Variants in SNX13 observed in about 807,000 individuals in gnomAD.
SNX13 encodes sorting nexin 13.
SNX13 carries 45 observed loss-of-function variants against 133.6 expected under a neutral mutation model. That is an observed-to-expected ratio of 0.34 (90% CI 0.27 to 0.43). The LOEUF (loss-of-function observed/expected upper bound fraction) is 0.43, where lower values mean the gene tolerates loss of function less well. SNX13 is among the 20% of genes least tolerant of loss of function. The pLI is 1.00. For synonymous variants in SNX13, 414 were observed against 373.9 expected, an observed-to-expected ratio of 1.11 and a Z score of -1.24; for missense variants, 1,032 against 1,145.1, an observed-to-expected ratio of 0.90 and a Z score of 1.43.
In SNX13 at chr7:17,798,728, A is replaced by T; in HGVS notation, c.2475T>A (p.Thr825=). Residue 825 remains threonine, a synonymous_variant, in exon 24 of 26, where the codon ACT becomes ACA. Transcript: ENST00000428135. ...CTGAGTCGGCTACTTGTTCAGGTGA[A>T]GTCATCCAGTCAACATGGTCAACTA... The part of the protein sequence containing the change: ...RKIVDHVDWM[T]SPEQVADSVK... 6.4e-7 allele frequency: 1 copy of T among 1,568,176 alleles called. No homozygotes were observed. Among genetic ancestry groups the T allele is most frequent in the Non-Finnish European group, 8.6e-7 (1 of 1,161,500 alleles).
intron 13 of SNX13, 136 bp from the exon 14 acceptor site, chr7:17,835,001 G>A (rs570871508): frequency 7.3e-6 from 4 of 549,240 alleles, no homozygotes; most frequent in Non-Finnish European, 1.3e-5. Flanking sequence ...ACGACACCTT[G>A]ATGTTTAAGA....
chr7:17,821,365 TTA>T (rs1347688260), intron 18 of SNX13, 142 bp downstream of exon 18: 4 of 713,806 alleles, frequency 5.6e-6, no homozygotes, highest in Non-Finnish European at 9.1e-6. Context: ...AATGCTCAGA[TTA>T]ATTCTAAGAT....
rs955084534 is a variant in SNX13 at position 17,939,087 on chromosome 7, G to C, written c.12+1197C>G. On this transcript the variant is annotated intron_variant, in intron 1 of 25. Coordinates refer to ENST00000428135, the MANE Select transcript of SNX13 (RefSeq NM_015132.5). ...TATCATATGCCAGGCTCTGTGCTTAGATTAAGTACAAACAGCAAAGTATAA... is the reference window on the plus strand; with the variant it reads ...TATCATATGCCAGGCTCTGTGCTTACATTAAGTACAAACAGCAAAGTATAA... Among the ~76,000 whole-genome samples, 5 of 152,086 alleles carry C rather than the reference G, an allele frequency of 3.3e-5. No homozygotes were observed. The South Asian group carries it at 6.3e-4, about 19-fold the overall frequency.
At chr7:17,800,438 T>C (rs2128285575) in intron 22 of SNX13, among the ~76,000 whole-genome samples, 1 of 151,856 alleles carries the variant, frequency 6.6e-6, no homozygotes, top group East Asian at 1.9e-4. Context: ...AAAGATGGCC[T>C]TTTCAGTAAA....
intron 1 of SNX13, among the ~76,000 whole-genome samples, chr7:17,912,329 T>G (rs1376647492): frequency 6.6e-6 from 1 of 151,542 alleles, no homozygotes; most frequent in African/African-American, 2.4e-5. Flanking sequence ...GACACTAAAC[T>G]GGGAAAAGGC....
intron 5 of SNX13, chr7:17,890,154 C>A (rs1181085756): frequency 5.0e-6 from 2 of 397,192 alleles, no homozygotes; most frequent in Admixed American, 4.5e-5. Context: ...AGGGCTTAAT[C>A]AAAATAACAT....
chr7:17,923,437 C>G (rs1318844306), intron 1 of SNX13, among the ~76,000 whole-genome samples: 1 of 152,144 alleles, frequency 6.6e-6, no homozygotes, highest in Non-Finnish European at 1.5e-5. Context: ...TGAGGGCAAA[C>G]AGACTGCTGC....
intron 1 of SNX13, among the ~76,000 whole-genome samples, chr7:17,920,455 C>T (rs1322663737): frequency 1.3e-5 from 2 of 152,152 alleles, no homozygotes; most frequent in African/African-American, 4.8e-5. Flanking sequence ...CCTACACATA[C>T]ACTGTACTTT....
intron 1 of SNX13, among the ~76,000 whole-genome samples, chr7:17,898,502 T>C (rs1053559247): frequency 6.6e-6 from 1 of 152,126 alleles, no homozygotes; most frequent in Non-Finnish European, 1.5e-5. Context: ...CAGCTCAAGG[T>C]AGTGGGGATA....
intron 22 of SNX13, among the ~76,000 whole-genome samples, chr7:17,799,477 AG>A (rs955861351): frequency 2.0e-4 from 31 of 151,918 alleles, no homozygotes; most frequent in African/African-American, 7.0e-4. Flanking sequence ...GAGTTTGATA[AG>A]GCAAATGCTA....
intron 17 of SNX13, among the ~76,000 whole-genome samples, chr7:17,823,520 A>T (rs551424086): frequency 1.2e-4 from 18 of 152,236 alleles, no homozygotes; most frequent in African/African-American, 4.1e-4. Context: ...CTTTCTTAAA[A>T]TTTTTTCTAA....
chr7:17,821,486 A>C, intron 18 of SNX13, 23 bp downstream of exon 18: 6 of 1,588,952 alleles, frequency 3.8e-6, no homozygotes, highest in South Asian at 1.1e-5. Flanking sequence ...CATAAAGTAC[A>C]CAAGTTTTTA....
intron 1 of SNX13, among the ~76,000 whole-genome samples, chr7:17,922,349 A>G (rs1212669893): frequency 6.6e-6 from 1 of 152,190 alleles, no homozygotes; most frequent in Non-Finnish European, 1.5e-5. Context: ...GCACTGCTAC[A>G]TGTAAACCCA....
At chr7:17,808,261 T>C (rs993354779) in intron 20 of SNX13, among the ~76,000 whole-genome samples, 2 of 152,048 alleles carry the variant, frequency 1.3e-5, no homozygotes, top group African/African-American at 4.8e-5. Context: ...AGATCATAAA[T>C]GACCTGATGG....
intron 20 of SNX13, among the ~76,000 whole-genome samples, chr7:17,813,272 G>T (rs756755188): frequency 9.9e-5 from 15 of 152,036 alleles, no homozygotes; most frequent in Non-Finnish European, 1.6e-4. Flanking sequence ...ATCTTTAAAG[G>T]AGAAAAGATA....
chr7:17,866,747 G>A (rs1283030912), intron 9 of SNX13, among the ~76,000 whole-genome samples: 1 of 152,106 alleles, frequency 6.6e-6, no homozygotes, highest in East Asian at 1.9e-4. Flanking sequence ...TGGCTAATGG[G>A]TATAAAACAC....
chr7:17,856,594 C>T (rs1791910654), intron 9 of SNX13, among the ~76,000 whole-genome samples: 1 of 151,768 alleles, frequency 6.6e-6, no homozygotes, highest in South Asian at 2.1e-4. Context: ...AAGTTTAAGA[C>T]CAGCTGGGCA....
intron 1 of SNX13, among the ~76,000 whole-genome samples, chr7:17,911,428 C>CA (rs1198761013): frequency 6.6e-6 from 1 of 152,022 alleles, no homozygotes; most frequent in Non-Finnish European, 1.5e-5. Flanking sequence ...CACTTGAGGT[C>CA]AGGAGTTCAA....
At chr7:17,815,062 T>G (rs1443558318) in intron 19 of SNX13, 118 bp from the exon 20 acceptor site, 4 of 1,141,000 alleles carry the variant, frequency 3.5e-6, no homozygotes, top group Non-Finnish European at 3.4e-6. Flanking sequence ...AAATATTGAT[T>G]TATATTTTTA....
Sources: allele counts gnomAD v4.1 joint callset (sites outside exome capture counted in the v4.1 genomes callset), GRCh38; gene constraint gnomAD v4.1.1; transcripts MANE v1.5; gene names NCBI Gene and HGNC (gene_info 2026-07-23, HGNC 2026-07-21).